Variants in PATZ1 observed in about 807,000 individuals in gnomAD.
The protein encoded by PATZ1 is POZ-, AT hook-, and zinc finger-containing protein 1.
PATZ1 carries 9 observed loss-of-function variants against 46.2 expected under a neutral mutation model. The observed-to-expected ratio is 0.19, with a 90% CI of 0.12 to 0.34. The LOEUF (loss-of-function observed/expected upper bound fraction) is 0.34. PATZ1 is among the 10% of genes least tolerant of loss of function. PATZ1 has a pLI of 1.00. For synonymous variants in PATZ1, 426 were observed against 378.6 expected (o/e 1.13, Z -1.45); for missense variants, 632 against 923.0 (o/e 0.68, Z 4.08).
chr22:31,335,615 G>A, intron 3 of PATZ1, 77 bp downstream of exon 3: 1 of 1,392,718 alleles, frequency 7.2e-7, no homozygotes. Flanking sequence ...CTGAGGCAGG[G>A]TGATTGAGAC....
At chr22:31,330,641 G>A (rs1276177077) in intron 3 of PATZ1, among the ~76,000 whole-genome samples, 1 of 152,168 alleles carries the variant, frequency 6.6e-6, no homozygotes, top group African/African-American at 2.4e-5. Context: ...ACCCACTTAT[G>A]CCTCATGTTC....
At position 31,326,639 on chromosome 22, in the gene PATZ1, C is replaced by T. The variant is rs1043611918; in HGVS notation, c.*252G>A. On this transcript the variant is annotated 3_prime_UTR_variant, in exon 5 of 5. Transcript: ENST00000266269. ...ACTGGGACTGGTTTTGCCTTGGAGG[C>T]CTATGTAGTGTTTTCTGCCCCTGTC... 6.8e-6 allele frequency: 3 copies of T among 441,678 alleles called. No homozygotes were observed. Among genetic ancestry groups the T allele is most frequent in the Admixed American group, 8.0e-5 (2 of 25,144 alleles). The allele number at this position is 441,678 out of a possible 1,614,324, so 27.4% of individuals were successfully genotyped here. A position where few individuals can be genotyped will look rare whatever the true frequency, so the allele number is the denominator to read the frequency against.
rs752420031 is a variant in PATZ1, at chr22:31,327,281, C to A, written c.1674G>T (p.Pro558=). 1.2e-6 allele frequency: 2 copies of A among 1,614,004 alleles called. No individual in the cohort carries two copies. Among genetic ancestry groups the A allele is most frequent in the East Asian group, 2.2e-5 (1 of 44,870 alleles). Residue 558 remains proline, a synonymous_variant, in exon 5 of 5, where the codon CCG becomes CCT. Coordinates refer to ENST00000266269, the MANE Select transcript of PATZ1 (RefSeq NM_014323.3). This position sits in a 1 kb window ranked among gnomAD's most constrained non-coding sequence, Gnocchi z 4.2. ...CACCATAGGAGTCAGAGCTCTCAAT[C>A]GGATCCTGATGTGAGCATTTCTGGC... is the stretch of plus-strand genomic sequence containing the variant. ...KEGQKCSHQD[P]IESSDSYGDL... is the part of the protein sequence containing the mutation.
chr22:31,332,559 C>T (rs1013712105), intron 3 of PATZ1, among the ~76,000 whole-genome samples: 27 of 152,236 alleles, frequency 1.8e-4, no homozygotes, highest in African/African-American at 5.8e-4. Flanking sequence ...TGTGCCTGCA[C>T]TTGGCACTCC....
chr22:31,344,935 T>C lies in PATZ1; in HGVS notation c.668A>G (p.Gln223Arg), dbSNP rs777649297. 13 of 1,613,556 alleles carry C rather than the reference T, an allele frequency of 8.1e-6. No homozygotes were observed. The highest frequency in any genetic ancestry group is 1.3e-5 in the African/African-American group (1 of 74,956). ...CCCAGGTAACACAGGCAAAGAGGCT[T>C]GGCCTGCAATGGCTGCACCAGCCGC... ...ARAAGAAIAG[Q>R]ASLPVLPGVD... The change falls in exon 1 of 5, where the codon CAA becomes CGA. Residue 223 changes from glutamine to arginine, a missense_variant. By Grantham distance (43) the Gln-to-Arg change is conservative. Coordinates refer to ENST00000266269, the MANE Select transcript of PATZ1 (RefSeq NM_014323.3).
rs1451069395 is a variant in PATZ1, at chr22:31,326,456, T to C, written c.*435A>G. 1 of 254,618 alleles carries C rather than the reference T, an allele frequency of 3.9e-6. No individual in the cohort carries two copies. Among genetic ancestry groups the C allele is most frequent in the Non-Finnish European group, 7.6e-6 (1 of 131,144 alleles). 15.8% of individuals were successfully genotyped at this position (254,618 alleles called of 1,614,324 possible). A position where few individuals can be genotyped will look rare whatever the true frequency, so the allele number is the denominator to read the frequency against. ...TTGTATAAGTAGGTGGAGACCCTAGTGTGGTTCTTTTGAAGGATATGGGAA... is the reference window on the plus strand; with the variant it reads ...TTGTATAAGTAGGTGGAGACCCTAGCGTGGTTCTTTTGAAGGATATGGGAA... On this transcript the variant is annotated 3_prime_UTR_variant, in exon 5 of 5. Coordinates refer to ENST00000266269, the MANE Select transcript of PATZ1 (RefSeq NM_014323.3).
At chr22:31,335,968 C>T (rs2049503985) in intron 2 of PATZ1, 105 bp from the exon 3 acceptor site, 4 of 1,009,622 alleles carry the variant, frequency 4.0e-6, no homozygotes, top group South Asian at 1.5e-5. Flanking sequence ...CATCACATGA[C>T]CTCCCTTTAT....
At chr22:31,341,361 C>T (rs949628594) in intron 2 of PATZ1, 23 of 1,516,188 alleles carry the variant, frequency 1.5e-5, no homozygotes, top group Non-Finnish European at 1.9e-5. Flanking sequence ...CCAAATGCCC[C>T]TCCTGTTCCC....
At chr22:31,331,134 C>T (rs544106911) in intron 3 of PATZ1, among the ~76,000 whole-genome samples, 1 of 152,236 alleles carries the variant, frequency 6.6e-6, no homozygotes, top group South Asian at 2.1e-4. Context: ...GTAAGAGGGT[C>T]CCATGTAGAC....
rs1398600687 is a variant in PATZ1, at chr22:31,346,141, A to AAGGCGG, written c.-545_-540dup. 1 of 147,888 alleles carries AAGGCGG rather than the reference A, an allele frequency of 6.8e-6. No homozygotes were observed. Among genetic ancestry groups the AAGGCGG allele is most frequent in the African/African-American group, 2.5e-5 (1 of 40,692 alleles). The allele number at this position is 147,888 out of a possible 1,614,324, so 9.2% of individuals were successfully genotyped here. A position where few individuals can be genotyped will look rare whatever the true frequency, so the allele number is the denominator to read the frequency against. Reference sequence around the variant, plus strand: ...GCGGAGGAAACAAAAGGCGAAGGCGAAGGCGGCGGCGGCGGGGCGCGCACG... The same window carrying AAGGCGG: ...GCGGAGGAAACAAAAGGCGAAGGCGAAGGCGGAGGCGGCGGCGGCGGGGCGCGCACG... On this transcript the variant is annotated 5_prime_UTR_variant, in exon 1 of 5. Coordinates refer to ENST00000266269, the MANE Select transcript of PATZ1 (RefSeq NM_014323.3).
intron 3 of PATZ1, among the ~76,000 whole-genome samples, chr22:31,332,638 A>C (rs1212673814): frequency 6.6e-6 from 1 of 152,200 alleles, no homozygotes; most frequent in African/African-American, 2.4e-5. Flanking sequence ...TCCTTGTCCA[A>C]ACCCTGAAGG....
chr22:31,344,985 C>G lies in PATZ1; in HGVS notation c.618G>C (p.Met206Ile). The G allele has an allele frequency of 1.2e-6, 2 of 1,614,046 alleles. No homozygotes were observed. Among genetic ancestry groups the G allele is most frequent in the Non-Finnish European group, 1.7e-6 (2 of 1,180,048 alleles). Residue 206 changes from methionine (M) to isoleucine (I), a missense_variant, in exon 1 of 5, where the codon ATG (methionine) becomes ATC (isoleucine). By Grantham distance (10) the Met-to-Ile change is conservative (BLOSUM62 1). This residue lies in a region of PATZ1 where 279 missense variants were observed against 284.3 expected (regional missense o/e 0.98). Transcript: ENST00000266269. ...CCCGAGCTGCCTCCTCCTCTGGCTG[C>G]ATGCTGCCGGCGATGCCATTGCTGT... Reference protein sequence around the residue: ...AANSNGIAGSMQPEEEAARAA... With the variant: ...AANSNGIAGSIQPEEEAARAA...
chr22:31,337,610 T>C (rs1334538330), intron 2 of PATZ1: 1 of 152,266 alleles, frequency 6.6e-6, no homozygotes, highest in Non-Finnish European at 1.5e-5. Context: ...AGGTGTTTCA[T>C]GGGTTCTAGT....
chr22:31,334,134 G>A (rs921632317), intron 3 of PATZ1, among the ~76,000 whole-genome samples: 4 of 152,176 alleles, frequency 2.6e-5, no homozygotes, highest in African/African-American at 4.8e-5. Flanking sequence ...TGAGTTATCC[G>A]GGGGAGCTGT....
In PATZ1 at chr22:31,345,928, C is replaced by T. The variant is rs1016791736; in HGVS notation, c.-326G>A. The T allele has an allele frequency of 3.4e-5, 10 of 295,104 alleles. No individual in the cohort carries two copies. In the Admixed American group the frequency reaches 5.2e-4, roughly 15 times the overall value. 18.3% of individuals were successfully genotyped at this position (295,104 alleles called of 1,614,324 possible). On this transcript the variant is annotated 5_prime_UTR_variant, in exon 1 of 5. Transcript: ENST00000266269. This position sits in a 1 kb window ranked among gnomAD's most constrained non-coding sequence, Gnocchi z 7.4. ...CGAAGAGGTGCGCCCCTCCTGCAAA[C>T]GCGCCTGCCACCTCCCCTCCCGCCC... is the stretch of plus-strand genomic sequence containing the variant.
rs756085184 is a variant in PATZ1, at chr22:31,345,104, G to A, written c.499C>T (p.Pro167Ser). Residue 167 changes from proline (P) to serine (S), a missense_variant, in exon 1 of 5, where the codon CCT (proline) becomes TCT (serine). Pro to Ser is a moderately conservative substitution (Grantham distance 74). Transcript: ENST00000266269. The surrounding 1 kb of genome is among the most constrained non-coding windows in gnomAD (Gnocchi z 7.4). ...KQSNVQILVP[P>S]ARADIMLFRP... Reference sequence around the variant, plus strand: ...AAGAGCATTATATCGGCGCGGGCAGGGGGTACCAGGATCTGTACGTTGGAC... The same window carrying A: ...AAGAGCATTATATCGGCGCGGGCAGAGGGTACCAGGATCTGTACGTTGGAC... 3.7e-6 allele frequency: 6 copies of A among 1,614,208 alleles called. No homozygotes were observed. In the South Asian group the frequency reaches 5.5e-5, roughly 15 times the overall value.
At chr22:31,342,109 G>A (rs2049590045) in intron 2 of PATZ1, among the ~76,000 whole-genome samples, 1 of 152,146 alleles carries the variant, frequency 6.6e-6, no homozygotes, top group South Asian at 2.1e-4. Context: ...GCATGGGAGA[G>A]GGGAGATAAC....
intron 3 of PATZ1, among the ~76,000 whole-genome samples, chr22:31,333,191 T>C (rs713619): frequency 0.22 from 33,247 of 152,090 alleles, 4,312 homozygotes; most frequent in East Asian, 0.4. Context: ...GTGGCAAAAA[T>C]TGAAAAAGAC....
chr22:31,345,489 C>T lies in PATZ1; in HGVS notation c.114G>A (p.Gly38=), dbSNP rs914131602. The part of the protein sequence containing the change: ...HNLNQQRKNG[G]RFCDVLLRVG... ...CCCGCAAGAGCACGTCGCAGAAGCG[C>T]CCGCCGTTTTTGCGCTGCTGGTTCA... The change falls in exon 1 of 5, where the codon GGG becomes GGA. Residue 38 remains glycine (G), a synonymous_variant. Coordinates refer to ENST00000266269, the MANE Select transcript of PATZ1 (RefSeq NM_014323.3). This position sits in a 1 kb window ranked among gnomAD's most constrained non-coding sequence, Gnocchi z 7.4. 1.9e-6 allele frequency: 3 copies of T among 1,612,792 alleles called. No individual in the cohort carries two copies. The highest frequency in any genetic ancestry group is 2.7e-5 in the African/African-American group (2 of 74,916).
Sources: gnomAD v4.1 joint callset for allele counts (sites outside exome capture counted in the v4.1 genomes callset) on GRCh38, gnomAD v4.1.1 for gene constraint, gnomAD v4.1.1 regional missense constraint, Gnocchi (gnomAD v3.1) non-coding constraint, MANE v1.5 for transcripts, NCBI Gene and HGNC (gene_info 2026-07-23, HGNC 2026-07-21) for gene names.